Variants in ABCA4 observed in about 807,000 individuals in gnomAD.
ABCA4 encodes ATP binding cassette subfamily A member 4, also known as retinal-specific phospholipid-transporting ATPase ABCA4.
Under a neutral mutation model 263.7 loss-of-function variants are expected in ABCA4, and 196 were observed. That is an observed-to-expected ratio of 0.74 (90% confidence interval 0.66 to 0.84). The LOEUF is 0.84. Among genes scored for constraint, ABCA4 ranks in the 40% least tolerant of loss-of-function variants. ABCA4 has a pLI of 0.00. For synonymous variants in ABCA4, 1,133 were observed against 1,094.2 expected (o/e 1.04, Z -0.70); for missense variants, 2,792 against 2,855.1 (o/e 0.98, Z 0.50).
chr1:94,042,696 G>T, intron 22 of ABCA4, 65 bp downstream of exon 22: 1 of 1,608,800 alleles, frequency 6.2e-7, no homozygotes, highest in South Asian at 1.1e-5. Context: ...GCAGGTGAGA[G>T]AGTGGGGACC....
intron 11 of ABCA4, among the ~76,000 whole-genome samples, chr1:94,069,731 T>C (rs1399384403): frequency 6.6e-6 from 1 of 152,184 alleles, no homozygotes; most frequent in African/African-American, 2.4e-5. Context: ...CCTTGGGCTA[T>C]CTGAATTGGT....
At chr1:94,068,107 C>T (rs1455632464) in intron 11 of ABCA4, among the ~76,000 whole-genome samples, 1 of 152,122 alleles carries the variant, frequency 6.6e-6, no homozygotes, top group Non-Finnish European at 1.5e-5. Flanking sequence ...CTGAGCTGAT[C>T]CATAACACCT....
chr1:94,011,780 T>TC (rs1237687108), intron 38 of ABCA4, among the ~76,000 whole-genome samples: 1 of 152,140 alleles, frequency 6.6e-6, no homozygotes, highest in African/African-American at 2.4e-5. Context: ...TCCTTACCCC[T>TC]CCCCTAGGTG....
intron 43 of ABCA4, among the ~76,000 whole-genome samples, chr1:94,006,587 G>T (rs1180023276): frequency 6.6e-6 from 1 of 152,190 alleles, no homozygotes; most frequent in Admixed American, 6.5e-5. Context: ...TCACTTGCAG[G>T]TGAAGCTGGA....
At chr1:94,059,091 G>A (rs541757935) in intron 14 of ABCA4, among the ~76,000 whole-genome samples, 60 of 152,310 alleles carry the variant, frequency 3.9e-4, no homozygotes, top group Non-Finnish European at 7.6e-4. Flanking sequence ...AGACCTAATG[G>A]CCCATTCTTA....
intron 1 of ABCA4, 81 bp downstream of exon 1, chr1:94,120,899 T>TCCCCCCCCCCCCC: frequency 1.5e-5 from 2 of 136,414 alleles, no homozygotes; most frequent in South Asian, 8.6e-5. Context: ...CCCACCACCC[T>TCCCCCCCCCCCCC]ACCCCACCAC....
chr1:94,113,904 C>T (rs1042498609), intron 1 of ABCA4, among the ~76,000 whole-genome samples: 1 of 152,222 alleles, frequency 6.6e-6, no homozygotes, highest in African/African-American at 2.4e-5. Flanking sequence ...TGGCAGTCCA[C>T]ACCCTGTGGC....
chr1:94,018,296 A>G (rs1659793883), intron 36 of ABCA4, among the ~76,000 whole-genome samples: 1 of 152,248 alleles, frequency 6.6e-6, no homozygotes, highest in Admixed American at 6.5e-5. Flanking sequence ...AAGCCTCCGC[A>G]CTTTTCTAAG....
chr1:94,028,459 G>A (rs996380252), intron 30 of ABCA4, among the ~76,000 whole-genome samples: 1 of 152,230 alleles, frequency 6.6e-6, no homozygotes, highest in African/African-American at 2.4e-5. Context: ...GTACATACCT[G>A]CAGATGTTAG....
intron 4 of ABCA4, among the ~76,000 whole-genome samples, chr1:94,103,872 C>T (rs1391717539): frequency 2.6e-5 from 4 of 152,164 alleles, no homozygotes; most frequent in African/African-American, 9.7e-5. Context: ...TAGTCAAGCT[C>T]CCTCCAGCTC....
At chr1:94,076,558 C>T (rs948484638) in intron 11 of ABCA4, among the ~76,000 whole-genome samples, 1 of 142,082 alleles carries the variant, frequency 7.0e-6, no homozygotes, top group African/African-American at 2.5e-5. Context: ...CCCAAGAGGT[C>T]ATGGAATGGG....
intron 26 of ABCA4, among the ~76,000 whole-genome samples, chr1:94,032,249 A>G (rs1660227670): frequency 6.6e-6 from 1 of 152,194 alleles, no homozygotes; most frequent in Admixed American, 6.5e-5. Flanking sequence ...TTCACCTGAA[A>G]TTGCCTTAAA....
At chr1:94,022,016 C>T (rs546975837) in intron 32 of ABCA4, 65 bp from the exon 33 acceptor site, 37 of 1,378,082 alleles carry the variant, frequency 2.7e-5, no homozygotes, top group East Asian at 1.4e-4. Flanking sequence ...GTAGCTCTCT[C>T]GGGTTTTGTA....
chr1:94,105,023 A>G (rs1356607166), intron 4 of ABCA4, among the ~76,000 whole-genome samples: 2 of 152,194 alleles, frequency 1.3e-5, no homozygotes, highest in Non-Finnish European at 2.9e-5. Flanking sequence ...ACGCACGCAT[A>G]TGCAGACATA....
chr1:94,081,638 G>A (rs1331949460), intron 7 of ABCA4, among the ~76,000 whole-genome samples: 1 of 150,440 alleles, frequency 6.6e-6, no homozygotes, highest in Non-Finnish European at 1.5e-5. Context: ...GTCTGTGTGT[G>A]CGTTTTAAAA....
At chr1:94,023,278 A>G (rs1303927356) in intron 32 of ABCA4, 108 bp downstream of exon 32, 4 of 932,330 alleles carry the variant, frequency 4.3e-6, no homozygotes, top group Non-Finnish European at 6.8e-6. Flanking sequence ...CTGAGCACCT[A>G]CAGAACAGCC....
At chr1:94,100,025 G>A (rs1662247864) in intron 5 of ABCA4, among the ~76,000 whole-genome samples, 1 of 152,204 alleles carries the variant, frequency 6.6e-6, no homozygotes, top group Non-Finnish European at 1.5e-5. Context: ...AGTACCGTGG[G>A]CAAATTCGTG....
intron 20 of ABCA4, 94 bp downstream of exon 20, chr1:94,044,519 A>G: frequency 6.3e-7 from 1 of 1,594,888 alleles, no homozygotes; most frequent in Non-Finnish European, 8.6e-7. Context: ...GCCTGTGCCC[A>G]GGCCTGGCAC....
At position 94,031,010 on chromosome 1, in the gene ABCA4, C is replaced by T. The variant is rs1201535434; in HGVS notation, c.4239G>A (p.Gln1413=). 3.1e-6 allele frequency: 5 copies of T among 1,614,040 alleles called. No individual in the cohort carries two copies. The highest frequency in any genetic ancestry group is 4.2e-6 in the Non-Finnish European group (5 of 1,179,980). ...LTLHPWIYGQ[Q]YTFFSMDEPG... ...AGTCCGCGCACCTGAAGAAGGTGTA[C>T]TGCTGCCCATATATCCAGGGGTGAA... The change falls in exon 28 of 50, where the codon CAG becomes CAA. Residue 1413 remains glutamine, a synonymous_variant. Coordinates refer to ENST00000370225, the MANE Select transcript of ABCA4 (RefSeq NM_000350.3).
Sources: allele counts gnomAD v4.1 joint callset (sites outside exome capture counted in the v4.1 genomes callset), GRCh38; gene constraint gnomAD v4.1.1; transcripts MANE v1.5; gene names NCBI Gene and HGNC (gene_info 2026-07-23, HGNC 2026-07-21).